The following CELF1 variants were observed in gnomAD, a reference collection of about 807,000 sequenced individuals.
CELF1 encodes CUGBP Elav-like family member 1, also known as 50 kDa nuclear polyadenylated RNA-binding protein.
In CELF1, 10 loss-of-function variants were observed where a neutral mutation model predicts 61.8. That is an observed-to-expected ratio of 0.16 (90% CI 0.10 to 0.27). The LOEUF (loss-of-function observed/expected upper bound fraction) is 0.27. Ranked by LOEUF, CELF1 falls within the 10% of genes least tolerant of loss-of-function variation. The pLI, the probability that CELF1 is intolerant of heterozygous loss-of-function variation, is 1.00. For synonymous variants in CELF1, 236 were observed against 225.1 expected (o/e 1.05, Z -0.43); for missense variants, 380 against 639.1 (o/e 0.59, Z 4.37).
intron 1 of CELF1, among the ~76,000 whole-genome samples, chr11:47,521,503 A>T (rs897372004): frequency 1.3e-5 from 2 of 152,256 alleles, no homozygotes; most frequent in Admixed American, 1.3e-4. Context: ...TTTGCTGCTT[A>T]CTAGCCAGGT....
chr11:47,517,920 C>T (rs2095647914), intron 1 of CELF1, among the ~76,000 whole-genome samples: 1 of 152,082 alleles, frequency 6.6e-6, no homozygotes, highest in African/African-American at 2.4e-5. Context: ...GGATTACAGG[C>T]ACGAGCCACT....
At chr11:47,541,712 AAG>A (rs1565904340) in intron 1 of CELF1, among the ~76,000 whole-genome samples, 1 of 3,360 alleles carries the variant, frequency 3.0e-4, no homozygotes, top group Non-Finnish European at 9.6e-4. Context: ...GAAAGAAAGA[AAG>A]AAAGAAAGAA....
Position 47,472,022 on chromosome 11 carries a change from A to C in CELF1, c.*208T>G. On this transcript the variant is annotated 3_prime_UTR_variant, in exon 15 of 15. Transcript: ENST00000687097. ...CCTAAACTCCAAAGTAAAACACTGG[A>C]AACCAAAGCACAAACTTGTCCTCTG... The C allele has an allele frequency of 1.8e-6, 1 of 551,188 alleles. No individual in the cohort carries two copies. The highest frequency in any genetic ancestry group is 1.8e-5 in the African/African-American group (1 of 54,636). The allele number at this position is 551,188 out of a possible 1,614,324, so 34.1% of individuals were successfully genotyped here.
At chr11:47,472,472 G>A in intron 14 of CELF1, 115 bp from the exon 15 acceptor site, 1 of 1,165,436 alleles carries the variant, frequency 8.6e-7, no homozygotes, top group Admixed American at 2.1e-5. Context: ...TTATTCAGCA[G>A]GGACAAGAAA....
At chr11:47,538,135 ACTCCTGGCCTCAAG>A (rs1209081884) in intron 1 of CELF1, among the ~76,000 whole-genome samples, 2 of 151,340 alleles carry the variant, frequency 1.3e-5, no homozygotes, top group African/African-American at 4.9e-5. Flanking sequence ...CTGGTCTCAA[ACTCCTGGCCTCAAG>A]CAATCCTCTT....
intron 12 of CELF1, among the ~76,000 whole-genome samples, chr11:47,476,147 T>C (rs531224576): frequency 2.0e-5 from 3 of 150,856 alleles, no homozygotes; most frequent in South Asian, 2.1e-4. Flanking sequence ...ACTACAGGCA[T>C]GCACCACTAC....
chr11:47,477,597 T>C, intron 10 of CELF1, 172 bp from the exon 11 acceptor site: 2 of 579,112 alleles, frequency 3.5e-6, no homozygotes, highest in Non-Finnish European at 6.0e-6. Flanking sequence ...TATCACTCAT[T>C]AAGAAACTTG....
chr11:47,541,516 C>G (rs936597494), intron 1 of CELF1, among the ~76,000 whole-genome samples: 8 of 151,512 alleles, frequency 5.3e-5, no homozygotes, highest in Non-Finnish European at 8.8e-5. Flanking sequence ...CATGGTGAAA[C>G]CCCGTCTCTA....
intron 1 of CELF1, among the ~76,000 whole-genome samples, chr11:47,511,238 C>T (rs1236689751): frequency 2.0e-5 from 3 of 152,024 alleles, no homozygotes; most frequent in African/African-American, 2.4e-5. Flanking sequence ...GGTTTTTAAA[C>T]GATCTTAAAA....
At chr11:47,525,299 T>C (rs1270228548) in intron 1 of CELF1, among the ~76,000 whole-genome samples, 1 of 152,230 alleles carries the variant, frequency 6.6e-6, no homozygotes, top group African/African-American at 2.4e-5. Flanking sequence ...AATATTTGTG[T>C]TCCAAAAATT....
chr11:47,558,505 TATATA>T (rs1334455806), intron 2 of CELF1, among the ~76,000 whole-genome samples: 1 of 124,150 alleles, frequency 8.1e-6, no homozygotes, highest in Non-Finnish European at 1.6e-5. Flanking sequence ...TATATTATAT[TATATA>T]AATAATATAT....
At chr11:47,553,374 G>A (rs2153787038), upstream of CELF1, among the ~76,000 whole-genome samples, 1 of 152,296 alleles carries the variant, frequency 6.6e-6, no homozygotes, top group Admixed American at 6.5e-5. Context: ...GAGCTGCAGG[G>A]GCGCATCTCT....
chr11:47,489,935 G>GTTTTTGTTTTTTTT (rs1555170253), intron 3 of CELF1, among the ~76,000 whole-genome samples: 2 of 48,226 alleles, frequency 4.1e-5, no homozygotes, highest in African/African-American at 1.6e-4. Flanking sequence ...ATACCATCTT[G>GTTTTTGTTTTTTTT]TTTTTTTTTT....
intron 1 of CELF1, 72 bp downstream of exon 1, chr11:47,552,920 C>T: frequency 2.5e-6 from 1 of 397,456 alleles, no homozygotes; most frequent in Non-Finnish European, 4.4e-6. Flanking sequence ...ACCCGCCCCG[C>T]GGCGCCTCCC....
chr11:47,510,313 T>G lies in CELF1; in HGVS notation c.-153-9381A>C, dbSNP rs541628408. Among the ~76,000 whole-genome samples the G allele has an allele frequency of 1.1e-4, 16 of 152,280 alleles. No homozygotes were observed. The South Asian group carries it at 2.5e-3, about 24-fold the overall frequency. Reference sequence around the variant, plus strand: ...CTACTGGCCTATACAGCTTGTATGCTGAGTAAATGACAAAATATTGTCTTT... The same window carrying G: ...CTACTGGCCTATACAGCTTGTATGCGGAGTAAATGACAAAATATTGTCTTT... On this transcript the variant is annotated intron_variant, in intron 1 of 14. Coordinates refer to ENST00000687097, the MANE Select transcript of CELF1 (RefSeq NM_001376376.1).
At chr11:47,546,709 G>A (rs140163429) in intron 1 of CELF1, among the ~76,000 whole-genome samples, 4 of 152,254 alleles carry the variant, frequency 2.6e-5, no homozygotes, top group East Asian at 1.9e-4. Flanking sequence ...TAGGTATAAA[G>A]CAAAGGCAGG....
intron 1 of CELF1, among the ~76,000 whole-genome samples, chr11:47,549,122 G>C (rs904029945): frequency 6.6e-6 from 1 of 152,062 alleles, no homozygotes; most frequent in African/African-American, 2.4e-5. Context: ...TATTGTCAAG[G>C]ATGTAGAGAA....
intron 9 of CELF1, among the ~76,000 whole-genome samples, chr11:47,481,960 T>C (rs1015602118): frequency 6.6e-6 from 1 of 152,220 alleles, no homozygotes; most frequent in African/African-American, 2.4e-5. Context: ...CCCAGCACTT[T>C]GGGAGGCCAA....
intron 1 of CELF1, among the ~76,000 whole-genome samples, chr11:47,564,821 C>G (rs187371734): frequency 2.6e-5 from 4 of 152,288 alleles, no homozygotes; most frequent in Admixed American, 2.6e-4. Context: ...AAATAGCTGG[C>G]ATTACAACCA....
Sources: allele counts gnomAD v4.1 joint callset (sites outside exome capture counted in the v4.1 genomes callset), GRCh38; gene constraint gnomAD v4.1.1; transcripts MANE v1.5; gene names NCBI Gene and HGNC (gene_info 2026-07-23, HGNC 2026-07-21).